DSC3: variants seen among roughly 807,000 people sequenced by gnomAD.
DSC3 encodes desmocollin-3.
A neutral mutation model predicts 89.5 loss-of-function variants in DSC3; 97 were observed. That is an observed-to-expected ratio of 1.08 (90% CI 0.92 to 1.28). The LOEUF is 1.28. Ranked by LOEUF, DSC3 falls within the 50% of genes most tolerant of loss-of-function variation. DSC3 has a pLI of 0.00. For missense variants in DSC3, 1,199 were observed against 1,085.3 expected (o/e 1.10, Z -1.47); for synonymous variants, 436 against 384.1 (o/e 1.14, Z -1.58).
intron 7 of DSC3, among the ~76,000 whole-genome samples, chr18:31,019,571 T>C (rs533786806): frequency 6.6e-6 from 1 of 152,052 alleles, no homozygotes; most frequent in Non-Finnish European, 1.5e-5. Flanking sequence ...CATAGAAGGA[T>C]CGCTCAAGGC....
chr18:31,018,254 A>G lies in DSC3; in HGVS notation c.1080T>C (p.Tyr360=). ...DNAPTFRQNA[Y]EAFVEENAFN... The stretch of plus-strand genomic sequence containing the variant: ...ATGCATTTTCCTCTACAAATGCTTC[A>G]TACTGAAACAGAAAGAAGTCATTGA... Residue 360 remains tyrosine (Y), a splice_region_variant and synonymous_variant, in exon 9 of 16, where the codon TAT becomes TAC. Coordinates refer to ENST00000360428, the MANE Select transcript of DSC3 (RefSeq NM_001941.5). 1 of 1,606,734 alleles carries G rather than the reference A, an allele frequency of 6.2e-7. No individual in the cohort carries two copies. Among genetic ancestry groups the G allele is most frequent in the Non-Finnish European group, 8.5e-7 (1 of 1,177,130 alleles).
At position 31,022,376 on chromosome 18, in the gene DSC3, G is replaced by T; in HGVS notation, c.902C>A (p.Thr301Lys). The stretch of plus-strand genomic sequence containing the variant: ...ATGAGAGACTGTGGTGATTACGCCT[G>T]TGCTGGGATGCACAGAAAAGAGCCC... ...SPGLFSVHPS[T>K]GVITTVSHYL... is the part of the protein sequence containing the mutation. The change falls in exon 7 of 16, where the codon ACA (threonine) becomes AAA (lysine). Residue 301 changes from threonine to lysine, a missense_variant. Physicochemically the swap from Thr to Lys is moderately conservative, Grantham distance 78. Transcript: ENST00000360428. 1 of 1,614,054 alleles carries T rather than the reference G, an allele frequency of 6.2e-7. No homozygotes were observed.
intron 13 of DSC3, among the ~76,000 whole-genome samples, chr18:31,003,891 T>A (rs1984746043): frequency 6.6e-6 from 1 of 152,158 alleles, no homozygotes; most frequent in Admixed American, 6.5e-5. Flanking sequence ...TAAAGACTAT[T>A]TGTTTGTCAG....
rs1984486049 is a variant in DSC3, at chr18:30,996,849, TCCACCTCCGTGTGTCCTC to T, written c.2417_2434del (p.Gly806_Val811del). On this transcript the variant is annotated inframe_deletion, in exon 15 of 16. Transcript: ENST00000360428. Reference sequence around the variant, plus strand: ...CTCCGAGTAAGTGTATCTGCAGTTGTCCACCTCCGTGTGTCCTCCCCTGCAGGAGTCCAGGGTATGATG... The same window carrying T: ...CTCCGAGTAAGTGTATCTGCAGTTGTCCCTGCAGGAGTCCAGGGTATGATG... 1.2e-6 allele frequency: 2 copies of T among 1,613,786 alleles called. No homozygotes were observed. The highest frequency in any genetic ancestry group is 3.3e-5 in the Admixed American group (2 of 59,962).
At chr18:31,014,367 T>A (rs1364721562) in intron 9 of DSC3, among the ~76,000 whole-genome samples, 1 of 152,124 alleles carries the variant, frequency 6.6e-6, no homozygotes, top group Non-Finnish European at 1.5e-5. Flanking sequence ...TTTTGAATAA[T>A]ACACAGGAAA....
Position 31,006,912 on chromosome 18 carries a change from A to C in DSC3, c.1883T>G (p.Val628Gly). Residue 628 changes from valine (V) to glycine (G), a missense_variant, in exon 12 of 16, where the codon GTT (valine) becomes GGT (glycine). By Grantham distance (109) the Val-to-Gly change is moderately radical (BLOSUM62 -3). Coordinates refer to ENST00000360428, the MANE Select transcript of DSC3 (RefSeq NM_001941.5). ...EISRLWSLTK[V>G]NDTAARLSYQ... The stretch of plus-strand genomic sequence containing the variant: ...CATTATTTTTTATTAAATACCATTA[A>C]CTTTGGTGAGGCTCCACAGTCTACT... The C allele has an allele frequency of 6.2e-7, 1 of 1,607,366 alleles. No individual in the cohort carries two copies. Among genetic ancestry groups the C allele is most frequent in the Non-Finnish European group, 8.5e-7 (1 of 1,174,292 alleles).
chr18:31,006,993 T>C lies in DSC3; in HGVS notation c.1802A>G (p.Glu601Gly). 1 of 1,613,974 alleles carries C rather than the reference T, an allele frequency of 6.2e-7. No individual in the cohort carries two copies. The highest frequency in any genetic ancestry group is 8.5e-7 in the Non-Finnish European group (1 of 1,179,934). ...YTDILAVDPD[E>G]PVHGAPFYFS... ...ATAAAATGGAGCTCCATGGACAGGT[T>C]CATCAGGATCAACAGCTAAAATGTC... The change falls in exon 12 of 16, where the codon GAA becomes GGA. Residue 601 changes from glutamate (E) to glycine (G), a missense_variant. Coordinates refer to ENST00000360428, the MANE Select transcript of DSC3 (RefSeq NM_001941.5).
chr18:31,023,603 T>C (rs987891082), intron 6 of DSC3, among the ~76,000 whole-genome samples: 2 of 152,092 alleles, frequency 1.3e-5, no homozygotes, highest in African/African-American at 4.8e-5. Context: ...GCAGATATAA[T>C]ATTGCAGTGA....
chr18:30,996,805 G>C lies in DSC3; in HGVS notation c.2479C>G (p.Pro827Ala), dbSNP rs773058168. 1.2e-6 allele frequency: 2 copies of C among 1,613,738 alleles called. No individual in the cohort carries two copies. Among genetic ancestry groups the C allele is most frequent in the East Asian group, 4.5e-5 (2 of 44,850 alleles). ...TYSEWHSFTQPRLGEKLHRCN... is the reference protein window; with the variant it reads ...TYSEWHSFTQARLGEKLHRCN... The stretch of plus-strand genomic sequence containing the variant: ...AGGAAACTCACTTCACCGAGACGGG[G>C]TTGAGTAAAACTGTGCCACTCCGAG... The change falls in exon 15 of 16, where the codon CCC becomes GCC. Residue 827 changes from proline to alanine, a missense_variant. Transcript: ENST00000360428.
At chr18:31,018,873 C>T in intron 7 of DSC3, 73 bp from the exon 8 acceptor site, 1 of 1,291,056 alleles carries the variant, frequency 7.7e-7, no homozygotes, top group Non-Finnish European at 1.1e-6. Flanking sequence ...CTCAATTGCA[C>T]ACTCACTCAC....
intron 3 of DSC3, 104 bp from the exon 4 acceptor site, chr18:31,029,732 A>T: frequency 1.4e-6 from 2 of 1,450,330 alleles, no homozygotes; most frequent in Non-Finnish European, 1.9e-6. Flanking sequence ...TTGGAGTTTC[A>T]GTGTCAGGCA....
At chr18:31,035,592 A>T (rs954964878) in intron 1 of DSC3, among the ~76,000 whole-genome samples, 1 of 151,774 alleles carries the variant, frequency 6.6e-6, no homozygotes, top group Non-Finnish European at 1.5e-5. Context: ...TTATTTTTGA[A>T]TCCCCAAAAA....
intron 7 of DSC3, among the ~76,000 whole-genome samples, chr18:31,021,735 A>C (rs1985425922): frequency 6.6e-6 from 1 of 152,206 alleles, no homozygotes; most frequent in Admixed American, 6.5e-5. Context: ...GAGCAAGTCA[A>C]TCAATGTTTC....
intron 9 of DSC3, among the ~76,000 whole-genome samples, chr18:31,011,182 A>G (rs1277974714): frequency 1.3e-5 from 2 of 152,222 alleles, no homozygotes; most frequent in Admixed American, 1.3e-4. Context: ...AAAGTTATTT[A>G]GTCTCTTTAA....
rs558211977 is a variant in DSC3 at position 31,020,495 on chromosome 18, C to A, written c.943-1695G>T. ...TGGTGTGGTGATGGTGAATTGAAGT[C>A]ATTAATTTGTGGTACAATCATCTTT... On this transcript the variant is annotated intron_variant, in intron 7 of 15. Transcript: ENST00000360428. Among the ~76,000 whole-genome samples, 101 of 152,278 alleles carry A rather than the reference C, an allele frequency of 6.6e-4. No homozygotes were observed. In the Middle Eastern group the frequency reaches 0.02, roughly 31 times the overall value.
intron 4 of DSC3, 107 bp from the exon 5 acceptor site, chr18:31,026,022 GA>G: frequency 9.2e-7 from 1 of 1,089,462 alleles, no homozygotes. Context: ...AATTTCAAAA[GA>G]AAAGGTAGAA....
Position 31,029,495 on chromosome 18 carries a change from A to G in DSC3, c.474+14T>C, listed in dbSNP as rs138606440. On this transcript the variant is annotated intron_variant, in intron 4 of 15. Coordinates refer to ENST00000360428, the MANE Select transcript of DSC3 (RefSeq NM_001941.5). ...GAATTAAAGCAACCCTGACCAGAAA[A>G]GGTGTAAACCTACTTGTTGAAGAAA... 172 of 1,613,668 alleles carry G rather than the reference A, an allele frequency of 1.1e-4. No individual in the cohort carries two copies. The African/African-American group carries it at 2.0e-3, about 18-fold the overall frequency.
intron 1 of DSC3, among the ~76,000 whole-genome samples, chr18:31,035,449 C>T (rs893175326): frequency 6.6e-6 from 1 of 151,620 alleles, no homozygotes; most frequent in Non-Finnish European, 1.5e-5. Flanking sequence ...GTCATTTGCC[C>T]TTTAAAAAAA....
chr18:30,999,791 C>A (rs1158017198), intron 14 of DSC3, among the ~76,000 whole-genome samples: 1 of 152,114 alleles, frequency 6.6e-6, no homozygotes, highest in Non-Finnish European at 1.5e-5. Flanking sequence ...AAAATGATCA[C>A]TTTTACTCAT....
Sources: allele counts gnomAD v4.1 joint callset (sites outside exome capture counted in the v4.1 genomes callset), GRCh38; gene constraint gnomAD v4.1.1; transcripts MANE v1.5; gene names NCBI Gene and HGNC (gene_info 2026-07-23, HGNC 2026-07-21).